The following AGAP1 variants were observed in gnomAD, a reference collection of about 807,000 sequenced individuals.
The protein encoded by AGAP1 is ArfGAP with GTPase domain, ankyrin repeat and PH domain 1.
Under a neutral mutation model 105.3 loss-of-function variants are expected in AGAP1, and 29 were observed. The observed-to-expected ratio is 0.28, with a 90% CI of 0.21 to 0.38. AGAP1 has a LOEUF of 0.38. AGAP1 is among the 10% of genes least tolerant of loss of function. AGAP1 has a pLI of 1.00. For missense variants in AGAP1, 998 were observed against 1,165.1 expected (o/e 0.86, Z 2.09); for synonymous variants, 509 against 485.9 (o/e 1.05, Z -0.63).
chr2:235,581,678 T>C (rs151273592), intron 1 of AGAP1, among the ~76,000 whole-genome samples: 2,067 of 152,020 alleles, frequency 0.014, 50 homozygotes, highest in African/African-American at 0.047. Context: ...TAGTGGTGCA[T>C]GCCTGTAATC....
In AGAP1 at chr2:236,014,738, A is replaced by T; in HGVS notation, c.1646-21823A>T. ...TGACCTTTTTTTTTCTCCCCTTTTC[A>T]TTTGTTTTCTTTTCCTTTTTGTTTT... On this transcript the variant is annotated intron_variant, in intron 13 of 17. Coordinates refer to ENST00000304032, the MANE Select transcript of AGAP1 (RefSeq NM_001037131.3). The surrounding 1 kb of genome is among the most constrained non-coding windows in gnomAD (Gnocchi z 6.3). 2.7e-6 allele frequency: 1 copy of T among 376,302 alleles called. No individual in the cohort carries two copies. The allele number at this position is 376,302 out of a possible 1,614,324, so 23.3% of individuals were successfully genotyped here. A position where few individuals can be genotyped will look rare whatever the true frequency, so the allele number is the denominator to read the frequency against.
chr2:235,894,828 G>A (rs2050726532), intron 10 of AGAP1, among the ~76,000 whole-genome samples: 1 of 152,206 alleles, frequency 6.6e-6, no homozygotes, highest in South Asian at 2.1e-4. Context: ...AGAACACTGA[G>A]CTGGGAATCA....
rs1478370028 is a variant in AGAP1, at chr2:235,963,444, G to GT, written c.1484-5015dup. On this transcript the variant is annotated intron_variant, in intron 12 of 17. Transcript: ENST00000304032. This position sits in a 1 kb window ranked among gnomAD's most constrained non-coding sequence, Gnocchi z 5.1. ...AAACAGATGTATTTGAACAGAGGTA[G>GT]TTTATTAAAGAGAATGAATAGACAT... is the stretch of plus-strand genomic sequence containing the variant. Among the ~76,000 whole-genome samples the GT allele has an allele frequency of 6.6e-6, 1 of 152,178 alleles. No individual in the cohort carries two copies. The highest frequency in any genetic ancestry group is 1.5e-5 in the Non-Finnish European group (1 of 68,044).
intron 1 of AGAP1, among the ~76,000 whole-genome samples, chr2:235,588,381 A>G (rs1945201349): frequency 6.6e-6 from 1 of 152,096 alleles, no homozygotes; most frequent in Non-Finnish European, 1.5e-5. Flanking sequence ...ACTTCTCTAC[A>G]CTCAACCACC....
chr2:235,748,449 G>C (rs1198211606), intron 5 of AGAP1, among the ~76,000 whole-genome samples: 1 of 152,136 alleles, frequency 6.6e-6, no homozygotes, highest in Non-Finnish European at 1.5e-5. Flanking sequence ...TTTCTTAAAT[G>C]TTGTGAAATG....
rs3839042 is a variant in AGAP1 at position 235,784,436 on chromosome 2, CTAAT to C, written c.674-13319_674-13316del. Among the ~76,000 whole-genome samples the C allele has an allele frequency of 7.9e-4, 120 of 152,270 alleles. 1 individual carries two copies. The East Asian group carries it at 0.019, about 24-fold the overall frequency. On this transcript the variant is annotated intron_variant, in intron 6 of 17. Coordinates refer to ENST00000304032, the MANE Select transcript of AGAP1 (RefSeq NM_001037131.3). ...ATCAATCAGTATTCTCTGCTGAACT[CTAAT>C]TAACACTTAACATTATTAGTCACAA...
intron 10 of AGAP1, among the ~76,000 whole-genome samples, chr2:235,884,341 C>T (rs1429069290): frequency 6.6e-6 from 1 of 151,994 alleles, no homozygotes. Context: ...TTTAAGTCAT[C>T]TCTAGATTAC....
rs931631425 is a variant in AGAP1, at chr2:235,559,159, T to C, written c.163+64310T>C. On this transcript the variant is annotated intron_variant, in intron 1 of 17. Coordinates refer to ENST00000304032, the MANE Select transcript of AGAP1 (RefSeq NM_001037131.3). The surrounding 1 kb of genome is among the most constrained non-coding windows in gnomAD (Gnocchi z 5.7). The stretch of plus-strand genomic sequence containing the variant: ...CCAGGCTGGTCTTGAACTCCTGGGC[T>C]TAAGTGATCCTCGCACCTCAGCTTC... Among the ~76,000 whole-genome samples, 3 of 152,212 alleles carry C rather than the reference T, an allele frequency of 2.0e-5. No homozygotes were observed. The highest frequency in any genetic ancestry group is 2.9e-5 in the Non-Finnish European group (2 of 68,032).
intron 1 of AGAP1, among the ~76,000 whole-genome samples, chr2:235,500,497 G>A (rs1242020022): frequency 6.6e-6 from 1 of 152,200 alleles, no homozygotes. Flanking sequence ...AGTTGACTTG[G>A]TATCATCTCT....
rs2055644728 is a variant in AGAP1, at chr2:235,993,123, A to G, written c.1645+24500A>G. The stretch of plus-strand genomic sequence containing the variant: ...ATACATGGAGTTGTGCTTCCTAAGT[A>G]TTGATAGCGGCGTATATATAGGATT... On this transcript the variant is annotated intron_variant, in intron 13 of 17. Coordinates refer to ENST00000304032, the MANE Select transcript of AGAP1 (RefSeq NM_001037131.3). The surrounding 1 kb of genome is among the most constrained non-coding windows in gnomAD (Gnocchi z 5.0). 6.6e-6 allele frequency among the ~76,000 whole-genome samples: 1 copy of G among 152,232 alleles called. No individual in the cohort carries two copies. Among genetic ancestry groups the G allele is most frequent in the African/African-American group, 2.4e-5 (1 of 41,456 alleles).
Position 235,842,321 on chromosome 2 carries a change from C to T in AGAP1, c.1050+34990C>T, listed in dbSNP as rs532276007. On this transcript the variant is annotated intron_variant, in intron 9 of 17. Transcript: ENST00000304032. This position sits in a 1 kb window ranked among gnomAD's most constrained non-coding sequence, Gnocchi z 5.3. ...TTCCTTCAGATATGAATGTAGGCAA[C>T]GATCCACAGTGGTGTTTTGTTAGCA... 1.8e-3 allele frequency among the ~76,000 whole-genome samples: 269 copies of T among 152,306 alleles called. 2 individuals carry two copies. Among genetic ancestry groups the T allele is most frequent in the Non-Finnish European group, 3.2e-3 (218 of 68,024 alleles).
Position 235,968,448 on chromosome 2 carries a change from C to T in AGAP1, c.1484-14C>T, listed in dbSNP as rs201893979. On this transcript the variant is annotated splice_polypyrimidine_tract_variant and intron_variant, in intron 12 of 17. Transcript: ENST00000304032. ...TTTTTTTTTTTTTTTTTGCCTTTTC[C>T]GGTCCAATGGCAGACACAGGGCTGG... 1.7e-4 allele frequency: 267 copies of T among 1,534,452 alleles called. No individual in the cohort carries two copies. In the African/African-American group the frequency reaches 3.3e-3, roughly 19 times the overall value.
chr2:235,961,270 C>A lies in AGAP1; in HGVS notation c.1484-7192C>A, dbSNP rs2054174066. On this transcript the variant is annotated intron_variant, in intron 12 of 17. Coordinates refer to ENST00000304032, the MANE Select transcript of AGAP1 (RefSeq NM_001037131.3). This position sits in a 1 kb window ranked among gnomAD's most constrained non-coding sequence, Gnocchi z 5.9. Reference sequence around the variant, plus strand: ...TTGGGGAAGGCCTCTCTTGGGGCTTCCTCCTTTGGCTCCTGGAGTCTAAAA... The same window carrying A: ...TTGGGGAAGGCCTCTCTTGGGGCTTACTCCTTTGGCTCCTGGAGTCTAAAA... Among the ~76,000 whole-genome samples, 1 of 152,198 alleles carries A rather than the reference C, an allele frequency of 6.6e-6. No homozygotes were observed. The highest frequency in any genetic ancestry group is 1.5e-5 in the Non-Finnish European group (1 of 68,026).
rs57515821 is a variant in AGAP1, at chr2:235,538,427, A to ATG, written c.163+43611_163+43612dup. ...CTCTGGAGGAAGAACCTCAGCCACT[A>ATG]TGTGTGTGTGTGTGTGTGTGTGTGT... is the stretch of plus-strand genomic sequence containing the variant. On this transcript the variant is annotated intron_variant, in intron 1 of 17. Coordinates refer to ENST00000304032, the MANE Select transcript of AGAP1 (RefSeq NM_001037131.3). Among the ~76,000 whole-genome samples the ATG allele has an allele frequency of 8.8e-3, 1,186 of 135,412 alleles. 13 individuals are homozygous for ATG. The highest frequency in any genetic ancestry group is 0.03 in the South Asian group (115 of 3,776). The allele number at this position is 135,412 out of a possible 152,430, so 88.8% of individuals were successfully genotyped here.
rs943161259 is a variant in AGAP1, at chr2:235,904,939, T to C, written c.1156-3799T>C. On this transcript the variant is annotated intron_variant, in intron 10 of 17. Transcript: ENST00000304032. This position sits in a 1 kb window ranked among gnomAD's most constrained non-coding sequence, Gnocchi z 4.2. ...TAAAAATGTGCAGTGCCTTGAAATA[T>C]AAGAATTGGCTATTTTAAATACCGA... Among the ~76,000 whole-genome samples, 2 of 152,190 alleles carry C rather than the reference T, an allele frequency of 1.3e-5. No homozygotes were observed. The highest frequency in any genetic ancestry group is 4.8e-5 in the African/African-American group (2 of 41,436).
intron 1 of AGAP1, among the ~76,000 whole-genome samples, chr2:235,558,221 G>T (rs1258196994): frequency 2.0e-5 from 3 of 151,328 alleles, no homozygotes; most frequent in Admixed American, 6.6e-5. Context: ...TGGGTGGGAT[G>T]CTCAGTGGAG....
rs1390401214 is a variant in AGAP1 at position 235,971,777 on chromosome 2, A to AT, written c.1645+3157dup. 2.1e-5 allele frequency among the ~76,000 whole-genome samples: 3 copies of AT among 145,904 alleles called. No individual in the cohort carries two copies. The highest frequency in any genetic ancestry group is 7.7e-5 in the African/African-American group (3 of 39,196). On this transcript the variant is annotated intron_variant, in intron 13 of 17. Coordinates refer to ENST00000304032, the MANE Select transcript of AGAP1 (RefSeq NM_001037131.3). This position sits in a 1 kb window ranked among gnomAD's most constrained non-coding sequence, Gnocchi z 4.8. Reference sequence around the variant, plus strand: ...TATTTATTTATTTATTTATTTATTTATTTATTTATTGTATTTTTTGAGACA... The same window carrying AT: ...TATTTATTTATTTATTTATTTATTTATTTTATTTATTGTATTTTTTGAGACA...
rs115569522 is a variant in AGAP1, at chr2:235,502,802, C to G, written c.163+7953C>G. On this transcript the variant is annotated intron_variant, in intron 1 of 17. Transcript: ENST00000304032. Reference sequence around the variant, plus strand: ...TGTTCACAAATGATTTATGTTTGGTCTTGGAGAAATGTCAGCATTCAACAG... The same window carrying G: ...TGTTCACAAATGATTTATGTTTGGTGTTGGAGAAATGTCAGCATTCAACAG... Among the ~76,000 whole-genome samples the G allele has an allele frequency of 4.1e-3, 583 of 140,654 alleles. 2 individuals carry two copies. Among genetic ancestry groups the G allele is most frequent in the African/African-American group, 0.015 (568 of 37,386 alleles). 92.3% of individuals were successfully genotyped at this position (140,654 alleles called of 152,430 possible). A position where few individuals can be genotyped will look rare whatever the true frequency, so the allele number is the denominator to read the frequency against.
At position 236,119,260 on chromosome 2, in the gene AGAP1, G is replaced by A. The variant is rs1213297206; in HGVS notation, c.2115-932G>A. Among the ~76,000 whole-genome samples the A allele has an allele frequency of 6.6e-6, 1 of 152,112 alleles. No individual in the cohort carries two copies. Among genetic ancestry groups the A allele is most frequent in the Non-Finnish European group, 1.5e-5 (1 of 68,020 alleles). Reference sequence around the variant, plus strand: ...GTCCTCTCCTCTGCCTCTGGGCTCAGCTCTGGCTTCTGGGAGCTACCTGCC... The same window carrying A: ...GTCCTCTCCTCTGCCTCTGGGCTCAACTCTGGCTTCTGGGAGCTACCTGCC... On this transcript the variant is annotated intron_variant, in intron 16 of 17. Coordinates refer to ENST00000304032, the MANE Select transcript of AGAP1 (RefSeq NM_001037131.3). The surrounding 1 kb of genome is among the most constrained non-coding windows in gnomAD (Gnocchi z 6.6).
Sources: allele counts gnomAD v4.1 joint callset (sites outside exome capture counted in the v4.1 genomes callset), GRCh38; gene constraint gnomAD v4.1.1; non-coding constraint Gnocchi (gnomAD v3.1); transcripts MANE v1.5; gene names NCBI Gene and HGNC (gene_info 2026-07-23, HGNC 2026-07-21).